CCPG1: variants seen among roughly 807,000 people sequenced by gnomAD.
The protein encoded by CCPG1 is cell cycle progression protein 1.
In CCPG1, 46 loss-of-function variants were observed where a neutral mutation model predicts 81.3. That is an observed-to-expected ratio of 0.57 (90% CI 0.45 to 0.72). The LOEUF is 0.72. Ranked by LOEUF, CCPG1 falls within the 30% of genes least tolerant of loss-of-function variation. The pLI, the probability that CCPG1 is intolerant of heterozygous loss-of-function variation, is 0.00. For synonymous variants in CCPG1, 330 were observed against 305.2 expected, an observed-to-expected ratio of 1.08 and a Z score of -0.85; for missense variants, 902 against 937.6, an observed-to-expected ratio of 0.96 and a Z score of 0.50.
intron 8 of CCPG1, chr15:55,359,051 A>C: frequency 1.0e-6 from 1 of 984,672 alleles, no homozygotes; most frequent in South Asian, 4.7e-5. Flanking sequence ...TATGTGACTA[A>C]GTATCATAAC....
chr15:55,381,045 G>A (rs1176103217), intron 3 of CCPG1, among the ~76,000 whole-genome samples: 1 of 151,970 alleles, frequency 6.6e-6, no homozygotes, highest in Non-Finnish European at 1.5e-5. Context: ...GCTGAGGCAG[G>A]AGAATGGCGT....
chr15:55,380,023 C>G (rs1239367469), intron 3 of CCPG1, among the ~76,000 whole-genome samples: 1 of 150,994 alleles, frequency 6.6e-6, no homozygotes, highest in Admixed American at 6.6e-5. Flanking sequence ...TTGCTTGAAC[C>G]CAGGAGGCGA....
Position 55,355,290 on chromosome 15 carries a change from T to A in CCPG1, c.*930A>T, listed in dbSNP as rs1325136655. On this transcript the variant is annotated 3_prime_UTR_variant, in exon 9 of 9. Coordinates refer to ENST00000442196, the MANE Select transcript of CCPG1 (RefSeq NM_001204450.2). Reference sequence around the variant, plus strand: ...TAAACATTTATTTGCTTCTAGGAAATAAGCGCTTTCCTAATTTCAAGCAAT... The same window carrying A: ...TAAACATTTATTTGCTTCTAGGAAAAAAGCGCTTTCCTAATTTCAAGCAAT... 6.2e-7 allele frequency: 1 copy of A among 1,604,592 alleles called. No homozygotes were observed. The highest frequency in any genetic ancestry group is 8.5e-7 in the Non-Finnish European group (1 of 1,174,444).
chr15:55,360,632 T>A lies in CCPG1; in HGVS notation c.1141A>T (p.Met381Leu). The change falls in exon 8 of 9, where the codon ATG (methionine) becomes TTG (leucine). Residue 381 changes from methionine (M) to leucine (L), a missense_variant. Physicochemically the swap from Met to Leu is conservative, Grantham distance 15. This residue lies in a region of CCPG1 where 746 missense variants were observed against 728.6 expected (regional missense o/e 1.02). Coordinates refer to ENST00000442196, the MANE Select transcript of CCPG1 (RefSeq NM_001204450.2). ...QRETLLTEAKMLKRELERERL... is the reference protein window; with the variant it reads ...QRETLLTEAKLLKRELERERL... ...TCTCTCTCCAGTTCTCTCTTTAGCA[T>A]CTTTGCTTCTGTCAACAGAGTCTCC... The A allele has an allele frequency of 1.2e-6, 2 of 1,614,220 alleles. No homozygotes were observed. Among genetic ancestry groups the A allele is most frequent in the Non-Finnish European group, 1.7e-6 (2 of 1,180,032 alleles).
intron 1 of CCPG1, among the ~76,000 whole-genome samples, chr15:55,396,997 C>G (rs1595864316): frequency 6.6e-6 from 1 of 151,938 alleles, no homozygotes; most frequent in African/African-American, 2.4e-5. Context: ...GTCAGGAGAT[C>G]GAGACCATCC....
At position 55,355,816 on chromosome 15, in the gene CCPG1, A is replaced by T. The variant is rs1239754919; in HGVS notation, c.*404T>A. 1 of 223,610 alleles carries T rather than the reference A, an allele frequency of 4.5e-6. No individual in the cohort carries two copies. Among genetic ancestry groups the T allele is most frequent in the East Asian group, 1.2e-4 (1 of 8,482 alleles). The allele number at this position is 223,610 out of a possible 1,614,324, so 13.9% of individuals were successfully genotyped here. On this transcript the variant is annotated 3_prime_UTR_variant, in exon 9 of 9. Transcript: ENST00000442196. ...GTAAGATTATAAAATGTTAATGATGAAATTCCAGAACAATGTACTTTTCTC... is the reference window on the plus strand; with the variant it reads ...GTAAGATTATAAAATGTTAATGATGTAATTCCAGAACAATGTACTTTTCTC...
chr15:55,389,386 A>G lies in CCPG1; in HGVS notation c.39T>C (p.Gly13=), dbSNP rs1192488270. 3 of 1,610,758 alleles carry G rather than the reference A, an allele frequency of 1.9e-6. No homozygotes were observed. Among genetic ancestry groups the G allele is most frequent in the South Asian group, 2.2e-5 (2 of 90,980 alleles). The change falls in exon 2 of 9, where the codon GGT becomes GGC. Residue 13 remains glycine, a synonymous_variant. Transcript: ENST00000442196. The part of the protein sequence containing the change: ...ENSSDSDSSC[G]WTVISHEGSD... ...ATACCTCATGACTGATGACAGTCCA[A>G]CCACAAGATGAATCACTGTCACTGG...
chr15:55,367,485 T>C (rs562236313), intron 6 of CCPG1, among the ~76,000 whole-genome samples: 2 of 152,316 alleles, frequency 1.3e-5, no homozygotes, highest in Admixed American at 1.3e-4. Context: ...AAATGCTGCC[T>C]ATTTTACCAT....
chr15:55,385,327 G>T (rs1372561290), intron 3 of CCPG1, among the ~76,000 whole-genome samples: 1 of 152,030 alleles, frequency 6.6e-6, no homozygotes, highest in African/African-American at 2.4e-5. Context: ...CAATACACCC[G>T]GCTAATTTTT....
At chr15:55,366,743 G>T (rs1007323054) in intron 6 of CCPG1, among the ~76,000 whole-genome samples, 1 of 152,136 alleles carries the variant, frequency 6.6e-6, no homozygotes, top group African/African-American at 2.4e-5. Flanking sequence ...CTGCACTCCA[G>T]CCTGGGCAAC....
rs747877827 is a variant in CCPG1 at position 55,360,057 on chromosome 15, T to C, written c.1716A>G (p.Pro572=). The part of the protein sequence containing the change: ...PRTVFSDYLH[P]QYKAPTENHH... ...GGTTTTCTGTAGGTGCCTTATACTGTGGATGTAAATAGTCACTAAAAACTG... is the reference window on the plus strand; with the variant it reads ...GGTTTTCTGTAGGTGCCTTATACTGCGGATGTAAATAGTCACTAAAAACTG... The change falls in exon 8 of 9, where the codon CCA becomes CCG. Residue 572 remains proline, a synonymous_variant. Transcript: ENST00000442196. 1.5e-5 allele frequency: 25 copies of C among 1,613,770 alleles called. No individual in the cohort carries two copies. The South Asian group carries it at 2.6e-4, about 17-fold the overall frequency.
At position 55,400,321 on chromosome 15, in the gene CCPG1, C is replaced by G. The variant is rs530147067; in HGVS notation, c.-10+7900G>C. 4.0e-5 allele frequency among the ~76,000 whole-genome samples: 6 copies of G among 150,672 alleles called. No individual in the cohort carries two copies. The South Asian group carries it at 1.3e-3, about 32-fold the overall frequency. ...GTCATGAGTTCGAGACCAGCCTGGTCAACATGGTGAAACCCCACCTGTACT... is the reference window on the plus strand; with the variant it reads ...GTCATGAGTTCGAGACCAGCCTGGTGAACATGGTGAAACCCCACCTGTACT... On this transcript the variant is annotated intron_variant, in intron 1 of 8. Transcript: ENST00000442196.
chr15:55,390,026 T>C (rs904105426), intron 1 of CCPG1, among the ~76,000 whole-genome samples: 1 of 152,124 alleles, frequency 6.6e-6, no homozygotes, highest in Non-Finnish European at 1.5e-5. Flanking sequence ...CGGGTTCAAG[T>C]GATTCTCCTG....
chr15:55,398,050 C>T (rs1054440679), intron 1 of CCPG1, among the ~76,000 whole-genome samples: 2 of 152,118 alleles, frequency 1.3e-5, no homozygotes, highest in Non-Finnish European at 2.9e-5. Context: ...TAGTTATTAT[C>T]ACATCCAAGA....
At chr15:55,397,861 C>T (rs1363752375) in intron 1 of CCPG1, among the ~76,000 whole-genome samples, 1 of 152,050 alleles carries the variant, frequency 6.6e-6, no homozygotes, top group Non-Finnish European at 1.5e-5. Flanking sequence ...CCTGTAGTCC[C>T]AGCTACTCGG....
Position 55,359,759 on chromosome 15 carries a change from A to C in CCPG1, c.2014T>G (p.Cys672Gly), listed in dbSNP as rs2056152326. ...AACTGATCAAGTTCGTTCCAGTGACAAAAAGTATCCAGTTCTTTTAACATG... is the reference window on the plus strand; with the variant it reads ...AACTGATCAAGTTCGTTCCAGTGACCAAAAGTATCCAGTTCTTTTAACATG... The part of the protein sequence containing the change: ...RYMLKELDTF[C>G]HWNELDQFIN... Residue 672 changes from cysteine to glycine, a missense_variant, in exon 8 of 9, where the codon TGT becomes GGT. Physicochemically the swap from Cys to Gly is radical, Grantham distance 159. Coordinates refer to ENST00000442196, the MANE Select transcript of CCPG1 (RefSeq NM_001204450.2). 1 of 1,613,346 alleles carries C rather than the reference A, an allele frequency of 6.2e-7. No individual in the cohort carries two copies. Among genetic ancestry groups the C allele is most frequent in the African/African-American group, 1.3e-5 (1 of 74,936 alleles).
intron 7 of CCPG1, among the ~76,000 whole-genome samples, chr15:55,364,289 G>C (rs2056274034): frequency 6.7e-6 from 1 of 150,124 alleles, no homozygotes; most frequent in African/African-American, 2.4e-5. Context: ...AAGATAACAT[G>C]CTCTCCCTTC....
In CCPG1 at chr15:55,360,876, C is replaced by G; in HGVS notation, c.897G>C (p.Gln299His). ...GATTTTCTGTAGCAAGGTTCGTTTT[C>G]TGAGTTTCAAAGGACATCTTCTCTG... ...TEAEKMSFET[Q>H]KTNLATENQY... Residue 299 changes from glutamine (Q) to histidine (H), a missense_variant, in exon 8 of 9, where the codon CAG (glutamine) becomes CAC (histidine). Physicochemically the swap from Gln to His is conservative, Grantham distance 24 (BLOSUM62 0). Transcript: ENST00000442196. The G allele has an allele frequency of 6.2e-7, 1 of 1,604,188 alleles. No individual in the cohort carries two copies. The highest frequency in any genetic ancestry group is 8.5e-7 in the Non-Finnish European group (1 of 1,177,074).
intron 4 of CCPG1, 44 bp downstream of exon 4, chr15:55,378,256 G>T: frequency 8.6e-7 from 1 of 1,162,496 alleles, no homozygotes; most frequent in South Asian, 1.3e-5. Context: ...AGTATTCTAA[G>T]GATACTATTT....
Sources: gnomAD v4.1 joint callset for allele counts (sites outside exome capture counted in the v4.1 genomes callset) on GRCh38, gnomAD v4.1.1 for gene constraint, gnomAD v4.1.1 regional missense constraint, MANE v1.5 for transcripts, NCBI Gene and HGNC (gene_info 2026-07-23, HGNC 2026-07-21) for gene names.